DOK7: variants seen among roughly 807,000 people sequenced by gnomAD.
DOK7 encodes the protein protein Dok-7.
A neutral mutation model predicts 30.7 loss-of-function variants in DOK7; 32 were observed. The ratio of observed to expected loss-of-function variants is 1.04; its 90% CI spans 0.79 to 1.40. DOK7 has a LOEUF of 1.40. Among genes scored for constraint, DOK7 ranks in the 40% most tolerant of loss-of-function variants. DOK7 has a pLI of 0.00. For synonymous variants in DOK7, 447 were observed against 324.1 expected, an observed-to-expected ratio of 1.38 and a Z score of -4.07; for missense variants, 1,007 against 699.2, an observed-to-expected ratio of 1.44 and a Z score of -4.97.
At chr4:3,468,911 G>GTA (rs560074056) in intron 2 of DOK7, among the ~76,000 whole-genome samples, 67 of 140,734 alleles carry the variant, frequency 4.8e-4, no homozygotes, top group East Asian at 2.2e-3. Context: ...ATGTCTGTGT[G>GTA]TGTATGTGTG....
Position 3,485,590 on chromosome 4 carries a change from T to A in DOK7, c.584T>A (p.Leu195Gln). 2 of 1,608,314 alleles carry A rather than the reference T, an allele frequency of 1.2e-6. No individual in the cohort carries two copies. The highest frequency in any genetic ancestry group is 1.7e-6 in the Non-Finnish European group (2 of 1,177,122). The change falls in exon 5 of 7, where the codon CTG becomes CAG. Residue 195 changes from leucine (L) to glutamine (Q), a missense_variant. Leu to Gln is a moderately radical substitution (Grantham distance 113, BLOSUM62 -2). Coordinates refer to ENST00000340083, the MANE Select transcript of DOK7 (RefSeq NM_173660.5). ...SSAEGEQISF[L>Q]FDCIVRGISP... ...GCCGAGGGGGAGCAGATCAGCTTCC[T>A]GTTCGACTGCATCGTCCGAGGCATC...
At chr4:3,500,271 G>A (rs1236370801) in exon 7 of DOK7, 1 of 1,535,894 alleles carries the variant, frequency 6.5e-7, no homozygotes, top group South Asian at 1.2e-5. Context: ...ACCCGTGGCT[G>A]TGGACAGCCC....
chr4:3,490,306 CCCCG>C (rs1728192236), intron 6 of DOK7, among the ~76,000 whole-genome samples: 1 of 108,964 alleles, frequency 9.2e-6, no homozygotes, highest in Non-Finnish European at 2.0e-5. Context: ...TCCTCCGCCC[CCCCG>C]GCTCATTCTT....
chr4:3,479,600 C>T (rs1727317701), intron 4 of DOK7, among the ~76,000 whole-genome samples: 1 of 152,230 alleles, frequency 6.6e-6, no homozygotes, highest in Admixed American at 6.5e-5. Flanking sequence ...CCTCACTTGG[C>T]CCCGCCACAG....
chr4:3,469,167 G>A (rs35616261), intron 2 of DOK7, among the ~76,000 whole-genome samples: 27,644 of 151,388 alleles, frequency 0.18, 3,000 homozygotes, highest in African/African-American at 0.3. Context: ...GTGTGCATGT[G>A]TGTGTGTGCG....
chr4:3,494,672 AGCCCCCG>A (rs1728802443), downstream of DOK7, among the ~76,000 whole-genome samples: 1 of 117,002 alleles, frequency 8.5e-6, no homozygotes, highest in African/African-American at 3.2e-5. Context: ...AGCTCCGGGC[AGCCCCCG>A]GGCTGGGATG....
At chr4:3,479,703 G>A (rs1335627208) in intron 4 of DOK7, among the ~76,000 whole-genome samples, 5 of 152,220 alleles carry the variant, frequency 3.3e-5, no homozygotes, top group African/African-American at 7.2e-5. Flanking sequence ...TGTGCATCAC[G>A]GGGGCCCTGG....
In DOK7 at chr4:3,485,183, C is replaced by T. The variant is rs182582952; in HGVS notation, c.533-356C>T. Among the ~76,000 whole-genome samples, 794 of 152,306 alleles carry T rather than the reference C, an allele frequency of 5.2e-3. 2 individuals carry two copies. Among genetic ancestry groups the T allele is most frequent in the Middle Eastern group, 0.014 (4 of 294 alleles). ...CAGGTATGTGGGCGGGGGCACCCAT[C>T]TGTCCAGGGCAGGGCACCCCCTCCC... On this transcript the variant is annotated intron_variant, in intron 4 of 6. Transcript: ENST00000340083.
At chr4:3,499,936 G>A (rs933480854) in intron 6 of DOK7, among the ~76,000 whole-genome samples, 4 of 151,888 alleles carry the variant, frequency 2.6e-5, no homozygotes, top group Admixed American at 6.6e-5. Flanking sequence ...CGCAGGGACA[G>A]AAGAGTGGGC....
chr4:3,477,875 C>T lies in DOK7; in HGVS notation c.532+1333C>T, dbSNP rs559255491. On this transcript the variant is annotated intron_variant, in intron 4 of 6. Coordinates refer to ENST00000340083, the MANE Select transcript of DOK7 (RefSeq NM_173660.5). ...TTCCCGGGAGAGCTAGGACACCTGT[C>T]GGGGTCCCATCTGCCCCCAGGCCCT... Among the ~76,000 whole-genome samples, 130 of 152,270 alleles carry T rather than the reference C, an allele frequency of 8.5e-4. 1 individual carries two copies. Among genetic ancestry groups the T allele is most frequent in the African/African-American group, 3.0e-3 (123 of 41,552 alleles).
chr4:3,490,628 T>TG (rs57964279), intron 6 of DOK7, among the ~76,000 whole-genome samples: 4 of 6,728 alleles, frequency 5.9e-4, no homozygotes, highest in Admixed American at 1.7e-3. Flanking sequence ...ATTCCTTCCC[T>TG]CTCCGCCTGC....
intron 6 of DOK7, among the ~76,000 whole-genome samples, chr4:3,490,379 C>CCCCCCCCGCTCATTCAGTCCTTCATT (rs1728206978): frequency 2.2e-5 from 1 of 46,088 alleles, no homozygotes; most frequent in Non-Finnish European, 3.8e-5. Context: ...TCCTTCCCCC[C>CCCCCCCCGCTCATTCAGTCCTTCATT]ACCCCCTGCT....
intron 4 of DOK7, 138 bp from the exon 5 acceptor site, chr4:3,485,401 C>A: frequency 4.2e-6 from 5 of 1,188,424 alleles, no homozygotes; most frequent in African/African-American, 1.6e-5. Flanking sequence ...CGGCTCTGGG[C>A]ATCTGACTTC....
chr4:3,476,388 C>G lies in DOK7; in HGVS notation c.378C>G (p.Ser126Arg), dbSNP rs753043554. 5 of 1,613,044 alleles carry G rather than the reference C, an allele frequency of 3.1e-6. No homozygotes were observed. The Middle Eastern group carries it at 4.9e-4, about 160-fold the overall frequency. The stretch of plus-strand genomic sequence containing the variant: ...TGGCTCCAGGCACCAAGTTGGAGAG[C>G]GGCCCGGCTACCCTGCACCTCTGCA... ...VTVAPGTKLE[S>R]GPATLHLCND... The change falls in exon 4 of 7, where the codon AGC becomes AGG. Residue 126 changes from serine to arginine, a missense_variant. Ser to Arg is a moderately radical substitution (Grantham distance 110, BLOSUM62 -1). Transcript: ENST00000340083.
In DOK7 at chr4:3,492,692, G is replaced by A. The variant is rs62272676; in HGVS notation, c.773-67G>A. ...GTGCTGGCCTGTGGGGGTCCACCAG[G>A]CATCAGCCACGTCCTGCCCAGACCC... On this transcript the variant is annotated intron_variant, in intron 6 of 6. Transcript: ENST00000340083. 144,937 of 1,597,760 alleles carry A rather than the reference G, an allele frequency of 0.091. 7,108 individuals are homozygous for A. Among genetic ancestry groups the A allele is most frequent in the Middle Eastern group, 0.13 (761 of 5,740 alleles).
intron 2 of DOK7, among the ~76,000 whole-genome samples, chr4:3,473,067 A>T (rs1241792396): frequency 1.3e-5 from 2 of 151,938 alleles, no homozygotes; most frequent in African/African-American, 4.8e-5. Context: ...GTGACCACAG[A>T]TCCTGCAGCC....
chr4:3,464,097 G>C (rs966714730), intron 2 of DOK7, among the ~76,000 whole-genome samples: 1 of 152,194 alleles, frequency 6.6e-6, no homozygotes, highest in Non-Finnish European at 1.5e-5. Context: ...AGCTTGGGGA[G>C]GGTCAGCATG....
intron 6 of DOK7, 124 bp downstream of exon 6, chr4:3,489,920 T>G: frequency 7.1e-7 from 1 of 1,410,680 alleles, no homozygotes; most frequent in South Asian, 1.4e-5. Flanking sequence ...ATTCCTTCTG[T>G]CTCCTGCTCA....
At chr4:3,481,756 G>A (rs368807036) in intron 4 of DOK7, among the ~76,000 whole-genome samples, 4 of 152,172 alleles carry the variant, frequency 2.6e-5, no homozygotes, top group Non-Finnish European at 2.9e-5. Flanking sequence ...GGGCAGCCAC[G>A]AGGGCACTCA....
Sources: gnomAD v4.1 joint callset for allele counts (sites outside exome capture counted in the v4.1 genomes callset) on GRCh38, gnomAD v4.1.1 for gene constraint, MANE v1.5 for transcripts, NCBI Gene and HGNC (gene_info 2026-07-23, HGNC 2026-07-21) for gene names.